The following TRPC5 variants were observed in gnomAD, a reference collection of about 807,000 sequenced individuals.
TRPC5 encodes short transient receptor potential channel 5.
A neutral mutation model predicts 56.5 loss-of-function variants in TRPC5; 9 were observed. That is an observed-to-expected ratio of 0.16 (90% CI 0.10 to 0.28). The LOEUF is 0.28. Ranked by LOEUF, TRPC5 falls within the 10% of genes least tolerant of loss-of-function variation. TRPC5 has a pLI of 1.00. For synonymous variants in TRPC5, 282 were observed against 278.5 expected, an observed-to-expected ratio of 1.01 and a Z score of -0.13; for missense variants, 469 against 748.9, an observed-to-expected ratio of 0.63 and a Z score of 4.36.
rs1945855442 is a variant in TRPC5 at position 111,773,446 on chromosome X, A to G, written c.*2867T>C. 8.9e-6 allele frequency among the ~76,000 whole-genome samples: 1 copy of G among 112,039 alleles called. No homozygotes were observed. The highest frequency in any genetic ancestry group is 3.2e-5 in the African/African-American group (1 of 30,848). On this transcript the variant is annotated 3_prime_UTR_variant, in exon 11 of 11. Coordinates refer to ENST00000262839, the MANE Select transcript of TRPC5 (RefSeq NM_012471.3). ...CATGATATGGATATTTTAGATAAGTAGTAAATGATTTTTGTATTATTTGTG... is the reference window on the plus strand; with the variant it reads ...CATGATATGGATATTTTAGATAAGTGGTAAATGATTTTTGTATTATTTGTG...
intron 1 of TRPC5, among the ~76,000 whole-genome samples, chrX:111,992,612 T>C (rs1928388226): frequency 9.2e-6 from 1 of 108,404 alleles, no homozygotes. Context: ...TTATTATTAT[T>C]ATTATTTTGA....
At chrX:112,011,403 CATA>C (rs1928988379) in intron 1 of TRPC5, among the ~76,000 whole-genome samples, 1 of 112,046 alleles carries the variant, frequency 8.9e-6, no homozygotes. Context: ...TTACAGGCAT[CATA>C]ATGACTGTGA....
intron 2 of TRPC5, among the ~76,000 whole-genome samples, chrX:111,933,376 T>C (rs1166446130): frequency 9.0e-6 from 1 of 111,087 alleles, no homozygotes. Context: ...TAGACAACTG[T>C]ACAGGTGAAG....
intron 2 of TRPC5, among the ~76,000 whole-genome samples, chrX:111,932,892 A>AT (rs1170433366): frequency 1.8e-5 from 2 of 111,888 alleles, no homozygotes; most frequent in Non-Finnish European, 3.8e-5. Flanking sequence ...CACTGATTTC[A>AT]TCACCAACTT....
chrX:111,776,425 G>A lies in TRPC5; in HGVS notation c.2810C>T (p.Ser937Phe), dbSNP rs1285209468. ...HCASSICSSN[S>F]KLLDSSEDVF... is the part of the protein sequence containing the mutation. The stretch of plus-strand genomic sequence containing the variant: ...ATCCTCTGAGGAGTCTAAAAGTTTA[G>A]AATTTGAGGAGCAGATGCTGGATGC... Residue 937 changes from serine to phenylalanine, a missense_variant, in exon 11 of 11, where the codon TCT becomes TTT. Transcript: ENST00000262839. 38 of 1,211,453 alleles carry A rather than the reference G, an allele frequency of 3.1e-5. No individual in the cohort carries two copies. The highest frequency in any genetic ancestry group is 4.2e-5 in the Non-Finnish European group (38 of 895,435).
chrX:112,032,858 C>T (rs1929622216), intron 1 of TRPC5, among the ~76,000 whole-genome samples: 1 of 111,351 alleles, frequency 9.0e-6, no homozygotes, highest in Admixed American at 9.6e-5. Context: ...ATTTTCATTT[C>T]TCTAATGACT....
At chrX:112,039,613 C>T (rs190399475) in intron 1 of TRPC5, among the ~76,000 whole-genome samples, 18 of 111,911 alleles carry the variant, frequency 1.6e-4, no homozygotes, top group African/African-American at 5.8e-4. Context: ...GGAATTTTCC[C>T]TCATGTTTGC....
chrX:112,079,224 A>G (rs1205247778), intron 1 of TRPC5, among the ~76,000 whole-genome samples: 1 of 112,205 alleles, frequency 8.9e-6, no homozygotes, highest in Non-Finnish European at 1.9e-5. Flanking sequence ...GCAGGCAGAA[A>G]TGCTTCAATC....
At chrX:112,074,265 C>A (rs1292912695) in intron 1 of TRPC5, among the ~76,000 whole-genome samples, 6 of 107,534 alleles carry the variant, frequency 5.6e-5, no homozygotes, top group Admixed American at 3.0e-4. Flanking sequence ...ATTTGAGTAG[C>A]AAAGTTCTGT....
At chrX:111,995,033 G>T (rs1158432717) in intron 1 of TRPC5, among the ~76,000 whole-genome samples, 1 of 111,899 alleles carries the variant, frequency 8.9e-6, no homozygotes, top group Admixed American at 9.5e-5. Flanking sequence ...GGGCATCCTT[G>T]TCTTGTGCCA....
At chrX:111,949,684 A>T (rs1324874628) in intron 2 of TRPC5, among the ~76,000 whole-genome samples, 11 of 111,318 alleles carry the variant, frequency 9.9e-5, no homozygotes, top group Non-Finnish European at 2.1e-4. Flanking sequence ...ATCAAAAAAT[A>T]AAAAAAATAG....
intron 1 of TRPC5, among the ~76,000 whole-genome samples, chrX:111,969,248 GT>G (rs1326715136): frequency 9.0e-6 from 1 of 111,257 alleles, no homozygotes; most frequent in Non-Finnish European, 1.9e-5. Context: ...TTTGTATATT[GT>G]TTTTTAACAT....
At chrX:111,899,045 T>C (rs1331723074) in intron 3 of TRPC5, among the ~76,000 whole-genome samples, 1 of 110,827 alleles carries the variant, frequency 9.0e-6, no homozygotes, top group Non-Finnish European at 1.9e-5. Flanking sequence ...TGCCACACTC[T>C]TACTCTTTCT....
chrX:111,891,636 G>A (rs1297830483), intron 3 of TRPC5, among the ~76,000 whole-genome samples: 1 of 111,562 alleles, frequency 9.0e-6, no homozygotes, highest in Non-Finnish European at 1.9e-5. Flanking sequence ...CGCCTCCCGG[G>A]TTCAAGCGAT....
intron 1 of TRPC5, among the ~76,000 whole-genome samples, chrX:111,968,298 T>C (rs1460189402): frequency 9.0e-6 from 1 of 111,220 alleles, no homozygotes; most frequent in Non-Finnish European, 1.9e-5. Flanking sequence ...CCAGTTAGAA[T>C]GGCAATCATT....
chrX:111,809,885 T>C (rs1292966105), intron 7 of TRPC5, among the ~76,000 whole-genome samples: 1 of 109,883 alleles, frequency 9.1e-6, no homozygotes, highest in East Asian at 2.9e-4. Context: ...TCATTTTGTT[T>C]TTTTTTTTGT....
chrX:111,971,504 C>T (rs113468631), intron 1 of TRPC5, among the ~76,000 whole-genome samples: 62 of 111,479 alleles, frequency 5.6e-4, no homozygotes, highest in African/African-American at 2.0e-3. Context: ...GCTCTGATAT[C>T]TTGAGGTCTG....
chrX:111,860,419 T>C (rs1923374329), intron 3 of TRPC5, among the ~76,000 whole-genome samples: 1 of 112,614 alleles, frequency 8.9e-6, no homozygotes, highest in African/African-American at 3.2e-5. Context: ...TCTATTTTAT[T>C]AACCTTTGTT....
intron 7 of TRPC5, among the ~76,000 whole-genome samples, chrX:111,823,999 G>A (rs1162626164): frequency 9.0e-6 from 1 of 111,101 alleles, no homozygotes; most frequent in Admixed American, 9.6e-5. Flanking sequence ...GGGAGGATGG[G>A]GAGGTCGGAT....
Sources: gnomAD v4.1 joint callset for allele counts (sites outside exome capture counted in the v4.1 genomes callset) on GRCh38, gnomAD v4.1.1 for gene constraint, MANE v1.5 for transcripts, NCBI Gene and HGNC (gene_info 2026-07-23, HGNC 2026-07-21) for gene names.